Variants in MCCC1 observed in about 807,000 individuals in gnomAD.
MCCC1 encodes the protein methylcrotonyl-CoA carboxylase subunit 1.
MCCC1 carries 64 observed loss-of-function variants against 83.8 expected under a neutral mutation model. The observed-to-expected ratio is 0.76, with a 90% CI of 0.62 to 0.94. The LOEUF (loss-of-function observed/expected upper bound fraction) is 0.94, where lower values mean the gene tolerates loss of function less well. Ranked by LOEUF, MCCC1 falls within the 40% of genes least tolerant of loss-of-function variation. The pLI is 0.00. For missense variants in MCCC1, 807 were observed against 904.7 expected (o/e 0.89, Z 1.39); for synonymous variants, 322 against 315.4 (o/e 1.02, Z -0.22).
intron 4 of MCCC1, among the ~76,000 whole-genome samples, chr3:183,083,002 C>A (rs1262881871): frequency 6.6e-6 from 1 of 151,888 alleles, no homozygotes; most frequent in Non-Finnish European, 1.5e-5. Flanking sequence ...AAAAAAAAGG[C>A]TAGCCTAAAA....
intron 10 of MCCC1, among the ~76,000 whole-genome samples, chr3:183,044,016 G>C (rs759150199): frequency 4.5e-4 from 68 of 152,162 alleles, no homozygotes; most frequent in Non-Finnish European, 6.3e-4. Flanking sequence ...CTAGGATATA[G>C]AGCCCTAGAA....
At chr3:183,065,455 C>A (rs1179753457) in intron 7 of MCCC1, among the ~76,000 whole-genome samples, 2 of 152,016 alleles carry the variant, frequency 1.3e-5, no homozygotes, top group Non-Finnish European at 2.9e-5. Context: ...AATATTTTGT[C>A]GGAAAAGTAA....
chr3:183,092,297 C>T (rs1718415356), intron 3 of MCCC1, 112 bp downstream of exon 3: 3 of 1,369,710 alleles, frequency 2.2e-6, no homozygotes, highest in African/African-American at 2.9e-5. Context: ...TTGAACTTAC[C>T]TACTTCAACC....
chr3:183,062,637 G>C (rs1577315242), intron 7 of MCCC1, among the ~76,000 whole-genome samples: 1 of 152,194 alleles, frequency 6.6e-6, no homozygotes, highest in East Asian at 1.9e-4. Context: ...TTACAGGCGT[G>C]AGCCACTGTG....
chr3:183,064,327 C>A lies in MCCC1; in HGVS notation c.761+6672G>T, dbSNP rs1243614503. ...CTGTATTCCCACAAGTGGTATATAT[C>A]GTAAATATTAAAATGATCATTGTTT... On this transcript the variant is annotated intron_variant, in intron 7 of 18. Coordinates refer to ENST00000265594, the MANE Select transcript of MCCC1 (RefSeq NM_020166.5). The surrounding 1 kb of genome is among the most constrained non-coding windows in gnomAD (Gnocchi z 4.5). 6.6e-5 allele frequency among the ~76,000 whole-genome samples: 10 copies of A among 151,826 alleles called. No homozygotes were observed. The highest frequency in any genetic ancestry group is 2.4e-4 in the African/African-American group (10 of 41,310).
intron 1 of MCCC1, among the ~76,000 whole-genome samples, chr3:183,109,644 C>T (rs976392507): frequency 6.6e-6 from 1 of 152,160 alleles, no homozygotes; most frequent in Non-Finnish European, 1.5e-5. Flanking sequence ...ATTTTCTTTT[C>T]CAGTCCACTG....
intron 10 of MCCC1, 141 bp downstream of exon 10, chr3:183,045,272 G>C (rs1315596802): frequency 1.1e-6 from 1 of 918,228 alleles, no homozygotes; most frequent in African/African-American, 1.7e-5. Context: ...TAGAGACAGG[G>C]TTTCACCACA....
rs777719799 is a variant in MCCC1, at chr3:183,082,724, C to T, written c.369+3969G>A. Among the ~76,000 whole-genome samples, 9 of 152,156 alleles carry T rather than the reference C, an allele frequency of 5.9e-5. No individual in the cohort carries two copies. The South Asian group carries it at 6.2e-4, about 10-fold the overall frequency. On this transcript the variant is annotated intron_variant, in intron 4 of 18. Coordinates refer to ENST00000265594, the MANE Select transcript of MCCC1 (RefSeq NM_020166.5). ...CCAGGGCGGTGGCTCACGTCGGTAA[C>T]GCCAACACGTAGGCAGGCCAAGAGA...
intron 1 of MCCC1, chr3:183,098,487 C>T (rs1718904179): frequency 6.6e-6 from 1 of 152,222 alleles, no homozygotes; most frequent in Non-Finnish European, 1.5e-5. Flanking sequence ...AAGTAACTTA[C>T]CCAAAGTCAC....
chr3:183,072,850 C>T lies in MCCC1; in HGVS notation c.370-363G>A, dbSNP rs149181685. 4.0e-3 allele frequency among the ~76,000 whole-genome samples: 605 copies of T among 152,322 alleles called. 3 individuals carry two copies. The highest frequency in any genetic ancestry group is 0.014 in the African/African-American group (584 of 41,558). ...ATCTCCAAACATAATTCTCCATTCC[C>T]TCCCTTTCCTTAGTCCCTAGTAACC... On this transcript the variant is annotated intron_variant, in intron 4 of 18. Transcript: ENST00000265594.
upstream of MCCC1, among the ~76,000 whole-genome samples, chr3:183,101,294 C>A (rs1388146515): frequency 6.6e-6 from 1 of 152,256 alleles, no homozygotes; most frequent in Non-Finnish European, 1.5e-5. Context: ...CGCACGGCGG[C>A]GCAGGACTGG....
At chr3:183,022,737 T>C (rs554563462) in intron 15 of MCCC1, 183 bp from the exon 16 acceptor site, 82 of 565,606 alleles carry the variant, frequency 1.4e-4, no homozygotes, top group Admixed American at 1.3e-3. Context: ...ATACTTTACA[T>C]AGAAATGACA....
chr3:183,101,380 G>A (rs1455088966), upstream of MCCC1, among the ~76,000 whole-genome samples: 1 of 152,224 alleles, frequency 6.6e-6, no homozygotes, highest in African/African-American at 2.4e-5. Context: ...TGGTGGGGAC[G>A]TGGAGAGTCT....
Position 183,041,573 on chromosome 3 carries a change from G to T in MCCC1, c.1261C>A (p.Arg421=). ...TCATTTTCTTTCACTTTACCTTGCC[G>T]TACTCCAGTTTCAATCCTGGTGGAA... ...DPSTRIETGV[R]QGDEVSVHYD... Residue 421 remains arginine, a synonymous_variant, in exon 11 of 19, where the codon CGG becomes AGG. Coordinates refer to ENST00000265594, the MANE Select transcript of MCCC1 (RefSeq NM_020166.5). 1 of 1,613,944 alleles carries T rather than the reference G, an allele frequency of 6.2e-7. No individual in the cohort carries two copies. The highest frequency in any genetic ancestry group is 1.1e-5 in the South Asian group (1 of 91,076).
chr3:183,020,487 C>T (rs1712062915), intron 16 of MCCC1, among the ~76,000 whole-genome samples: 1 of 151,962 alleles, frequency 6.6e-6, no homozygotes, highest in Non-Finnish European at 1.5e-5. Flanking sequence ...CAAAAATCAG[C>T]CCAGTGTAGT....
At chr3:183,053,423 G>T (rs541832738) in intron 8 of MCCC1, among the ~76,000 whole-genome samples, 133 of 152,242 alleles carry the variant, frequency 8.7e-4, no homozygotes, top group Middle Eastern at 6.8e-3. Context: ...AAGAGGTCAG[G>T]GGTCTAGTGA....
chr3:183,040,522 C>T (rs1713986406), intron 11 of MCCC1, among the ~76,000 whole-genome samples: 1 of 132,484 alleles, frequency 7.5e-6, no homozygotes, highest in Non-Finnish European at 1.5e-5. Flanking sequence ...ACCAGCCTAG[C>T]CAACATGGTG....
intron 18 of MCCC1, among the ~76,000 whole-genome samples, chr3:183,015,952 G>A (rs1230755609): frequency 1.3e-5 from 2 of 150,372 alleles, no homozygotes; most frequent in African/African-American, 2.4e-5. Context: ...CTGTTGAGAC[G>A]GAGTCTCACT....
chr3:183,087,869 CAAAAAAAA>C (rs1223603175), intron 3 of MCCC1, among the ~76,000 whole-genome samples: 1 of 51,364 alleles, frequency 1.9e-5, no homozygotes, highest in African/African-American at 6.2e-5. Context: ...GACTCCTTCT[CAAAAAAAA>C]AAAAAAAAAA....
Sources: allele counts gnomAD v4.1 joint callset (sites outside exome capture counted in the v4.1 genomes callset), GRCh38; gene constraint gnomAD v4.1.1; non-coding constraint Gnocchi (gnomAD v3.1); transcripts MANE v1.5; gene names NCBI Gene and HGNC (gene_info 2026-07-23, HGNC 2026-07-21).